Variants in WWOX observed in about 807,000 individuals in gnomAD.
WWOX encodes the protein WW domain containing oxidoreductase.
WWOX carries 69 observed loss-of-function variants against 46.2 expected under a neutral mutation model. That is an observed-to-expected ratio of 1.49 (90% CI 1.23 to 1.82). WWOX has a LOEUF of 1.82. Among genes scored for constraint, WWOX ranks in the 40% most tolerant of loss-of-function variants. WWOX has a pLI of 0.00. For synonymous variants in WWOX, 359 were observed against 202.6 expected (o/e 1.77, Z -6.56); for missense variants, 919 against 542.6 (o/e 1.69, Z -6.89).
chr16:79,147,361 T>C (rs2050200198), intron 8 of WWOX, among the ~76,000 whole-genome samples: 1 of 152,244 alleles, frequency 6.6e-6, no homozygotes. Context: ...ATGTAATCTT[T>C]TGGGGACTGA....
intron 8 of WWOX, among the ~76,000 whole-genome samples, chr16:78,511,039 C>T (rs984468426): frequency 1.3e-5 from 2 of 152,206 alleles, no homozygotes; most frequent in Admixed American, 6.5e-5. Flanking sequence ...GGCTGCTCAG[C>T]GTGCCTGGTT....
chr16:78,731,850 T>C (rs1291593501), intron 8 of WWOX, among the ~76,000 whole-genome samples: 3 of 133,454 alleles, frequency 2.2e-5, no homozygotes, highest in African/African-American at 1.1e-4. Flanking sequence ...TTTCTCTTTT[T>C]TTTTTTTTTT....
chr16:78,437,338 C>G (rs1182761050), intron 8 of WWOX, among the ~76,000 whole-genome samples: 1 of 152,150 alleles, frequency 6.6e-6, no homozygotes, highest in Non-Finnish European at 1.5e-5. Flanking sequence ...TGTTGCAGAT[C>G]AGTAATTTTA....
At chr16:78,811,979 A>G (rs1312288853) in intron 8 of WWOX, among the ~76,000 whole-genome samples, 1 of 147,566 alleles carries the variant, frequency 6.8e-6, no homozygotes, top group African/African-American at 2.7e-5. Context: ...TGTAATAATT[A>G]CTTGATAAAC....
intron 8 of WWOX, among the ~76,000 whole-genome samples, chr16:78,880,823 T>C (rs1399040214): frequency 1.3e-5 from 2 of 152,108 alleles, no homozygotes; most frequent in African/African-American, 4.8e-5. Flanking sequence ...GGGAGTATGT[T>C]TCTAAGTTGG....
At chr16:79,050,572 G>A (rs1375373338) in intron 8 of WWOX, among the ~76,000 whole-genome samples, 2 of 152,206 alleles carry the variant, frequency 1.3e-5, no homozygotes, top group Non-Finnish European at 2.9e-5. Flanking sequence ...CCCGGGGCAT[G>A]GATCCAGAGA....
chr16:78,249,469 G>A (rs2037921501), intron 5 of WWOX, among the ~76,000 whole-genome samples: 1 of 152,198 alleles, frequency 6.6e-6, no homozygotes, highest in African/African-American at 2.4e-5. Flanking sequence ...TATTTTAAAT[G>A]TAAATCTAGA....
chr16:78,689,497 C>T (rs1238178860), intron 8 of WWOX, among the ~76,000 whole-genome samples: 6 of 152,224 alleles, frequency 3.9e-5, no homozygotes, highest in Admixed American at 2.6e-4. Context: ...GACCTTGCTC[C>T]TCTCTCCTTG....
At chr16:78,865,725 C>T (rs914923337) in intron 8 of WWOX, among the ~76,000 whole-genome samples, 1 of 152,052 alleles carries the variant, frequency 6.6e-6, no homozygotes, top group South Asian at 2.1e-4. Flanking sequence ...ACTAAAAATA[C>T]AAAAATTAGC....
At chr16:78,885,548 A>C (rs2044437557) in intron 8 of WWOX, among the ~76,000 whole-genome samples, 1 of 152,204 alleles carries the variant, frequency 6.6e-6, no homozygotes, top group Non-Finnish European at 1.5e-5. Context: ...GATTGTGAGA[A>C]ATGTGTTGGA....
At chr16:78,393,310 G>A (rs1175692758) in intron 6 of WWOX, among the ~76,000 whole-genome samples, 2 of 152,170 alleles carry the variant, frequency 1.3e-5, no homozygotes, top group Non-Finnish European at 1.5e-5. Context: ...ACAGGGCCTA[G>A]AAGAGTTAAC....
intron 8 of WWOX, among the ~76,000 whole-genome samples, chr16:78,805,943 A>G (rs1307957578): frequency 6.6e-6 from 1 of 152,160 alleles, no homozygotes; most frequent in Non-Finnish European, 1.5e-5. Context: ...AGGGAATAAC[A>G]CCCAATGCCA....
chr16:78,744,864 A>G (rs1332753951), intron 8 of WWOX, among the ~76,000 whole-genome samples: 1 of 152,190 alleles, frequency 6.6e-6, no homozygotes, highest in Non-Finnish European at 1.5e-5. Context: ...TCATTGGGTA[A>G]GCAAAGAAGA....
chr16:79,012,159 A>G (rs1347134978), intron 8 of WWOX, among the ~76,000 whole-genome samples: 7 of 152,118 alleles, frequency 4.6e-5, no homozygotes, highest in African/African-American at 9.7e-5. Context: ...GATGTCTTCT[A>G]TCTCTGCCCT....
intron 6 of WWOX, among the ~76,000 whole-genome samples, chr16:78,389,075 C>T (rs1458804312): frequency 6.6e-6 from 1 of 152,192 alleles, no homozygotes; most frequent in African/African-American, 2.4e-5. Context: ...GCAACATCGC[C>T]TAAGCGCAGA....
chr16:78,787,333 C>T (rs112119616), intron 8 of WWOX, among the ~76,000 whole-genome samples: 33 of 152,284 alleles, frequency 2.2e-4, no homozygotes, highest in Non-Finnish European at 4.4e-4. Context: ...CCATTTCCTC[C>T]TTCCCCCAGC....
chr16:78,738,245 T>G (rs1337272080), intron 8 of WWOX, among the ~76,000 whole-genome samples: 3 of 152,274 alleles, frequency 2.0e-5, no homozygotes, highest in East Asian at 1.9e-4. Context: ...TGGAGTTGAG[T>G]AGATAATTTT....
chr16:78,331,860 CA>C (rs1028955493), intron 5 of WWOX, among the ~76,000 whole-genome samples: 71 of 152,258 alleles, frequency 4.7e-4, no homozygotes, highest in African/African-American at 1.6e-3. Context: ...GATGTCTGTT[CA>C]AATTATTCCC....
Position 78,157,866 on chromosome 16 carries a change from A to G in WWOX, c.410-6317A>G, listed in dbSNP as rs916721157. On this transcript the variant is annotated intron_variant, in intron 4 of 8. Transcript: ENST00000566780. ...TGTGCTGGATTTGGTAGGTCGTACGAATTGGGTAAGAGGCATAGGACACCA... is the reference window on the plus strand; with the variant it reads ...TGTGCTGGATTTGGTAGGTCGTACGGATTGGGTAAGAGGCATAGGACACCA... Among the ~76,000 whole-genome samples, 6 of 152,204 alleles carry G rather than the reference A, an allele frequency of 3.9e-5. No homozygotes were observed. In the East Asian group the frequency reaches 9.6e-4, roughly 24 times the overall value.
Sources: allele counts gnomAD v4.1 joint callset (sites outside exome capture counted in the v4.1 genomes callset), GRCh38; gene constraint gnomAD v4.1.1; transcripts MANE v1.5; gene names NCBI Gene and HGNC (gene_info 2026-07-23, HGNC 2026-07-21).